The following TLN2 variants were observed in gnomAD, a reference collection of about 807,000 sequenced individuals.
TLN2 encodes talin 2.
In TLN2, 118 loss-of-function variants were observed where a neutral mutation model predicts 294.7. The ratio of observed to expected loss-of-function variants is 0.40; its 90% confidence interval spans 0.34 to 0.47. The LOEUF (loss-of-function observed/expected upper bound fraction) is 0.47. Ranked by LOEUF, TLN2 falls within the 20% of genes least tolerant of loss-of-function variation. The pLI, the probability that TLN2 is intolerant of heterozygous loss-of-function variation, is 0.84. For synonymous variants in TLN2, 1,431 were observed against 1,304.5 expected, an observed-to-expected ratio of 1.10 and a Z score of -2.09; for missense variants, 3,083 against 3,282.2, an observed-to-expected ratio of 0.94 and a Z score of 1.48.
In TLN2 at chr15:62,407,923, AAAATAAAT is replaced by A. The variant is rs10626679; in HGVS notation, c.-238+17266_-238+17273del. On this transcript the variant is annotated intron_variant, in intron 1 of 58. Coordinates refer to ENST00000636159, the MANE Select transcript of TLN2 (RefSeq NM_015059.3). ...GAGTGAGAGAGTGAGACTCTGTCTC[AAAATAAAT>A]AAATAAATAAATAAATAAATAAATA... Among the ~76,000 whole-genome samples, 143 of 148,650 alleles carry A rather than the reference AAAATAAAT, an allele frequency of 9.6e-4. 1 individual carries two copies. The highest frequency in any genetic ancestry group is 3.0e-3 in the African/African-American group (122 of 40,292).
intron 1 of TLN2, among the ~76,000 whole-genome samples, chr15:62,471,176 C>G (rs989551249): frequency 6.6e-6 from 1 of 152,124 alleles, no homozygotes; most frequent in Non-Finnish European, 1.5e-5. Context: ...GAAACTCTGC[C>G]TCTACAAAAA....
chr15:62,698,707 G>T (rs28663432), intron 15 of TLN2, 47 bp from the exon 16 acceptor site: 18 of 1,502,926 alleles, frequency 1.2e-5, no homozygotes, highest in Non-Finnish European at 1.6e-5. Context: ...GGGCCATGTC[G>T]GTCCCAGGCG....
intron 1 of TLN2, among the ~76,000 whole-genome samples, chr15:62,546,470 A>G (rs1202394995): frequency 6.6e-6 from 1 of 152,020 alleles, no homozygotes; most frequent in Non-Finnish European, 1.5e-5. Context: ...TTCTTGCTCC[A>G]TAGTTGTGAA....
At chr15:62,413,487 A>G (rs755473706) in intron 1 of TLN2, among the ~76,000 whole-genome samples, 5 of 152,098 alleles carry the variant, frequency 3.3e-5, no homozygotes, top group African/African-American at 1.2e-4. Flanking sequence ...AAATATCCCT[A>G]TTGTTGGGGA....
chr15:62,411,459 G>GTGTC (rs1399056110), intron 1 of TLN2, among the ~76,000 whole-genome samples: 39 of 151,758 alleles, frequency 2.6e-4, no homozygotes, highest in African/African-American at 9.4e-4. Context: ...GTGTGTGTGT[G>GTGTC]TGTGTGTGTG....
intron 22 of TLN2, among the ~76,000 whole-genome samples, chr15:62,713,283 A>AC (rs200649123): frequency 0.023 from 3,486 of 150,624 alleles, 94 homozygotes; most frequent in East Asian, 0.1. Context: ...AAAAAAAAAA[A>AC]AAAAAACAAA....
chr15:62,396,285 C>T (rs1327584839), intron 1 of TLN2, among the ~76,000 whole-genome samples: 1 of 152,258 alleles, frequency 6.6e-6, no homozygotes, highest in South Asian at 2.1e-4. Context: ...TTGACTTGTT[C>T]AAACACGCAG....
At chr15:62,740,338 C>A in intron 31 of TLN2, 1 of 305,898 alleles carries the variant, frequency 3.3e-6, no homozygotes, top group Non-Finnish European at 6.1e-6. Context: ...ACTCTCCTCC[C>A]ACCCTGCTCC....
chr15:62,432,826 C>T (rs4775501), intron 1 of TLN2, among the ~76,000 whole-genome samples: 16,602 of 152,028 alleles, frequency 0.11, 1,032 homozygotes, highest in Admixed American at 0.15. Context: ...AGAGTTTCTA[C>T]GCCTCTTGTG....
At chr15:62,582,541 T>G (rs1268258490) in intron 1 of TLN2, among the ~76,000 whole-genome samples, 1 of 152,166 alleles carries the variant, frequency 6.6e-6, no homozygotes, top group Non-Finnish European at 1.5e-5. Context: ...CAGGTGGAAC[T>G]TGATGGACAG....
rs533731194 is a variant in TLN2, at chr15:62,460,782, G to A, written c.-238+70097G>A. ...AAATGAACACAAATCATAACTGGAC[G>A]AGTTGATGAATTTTCACAAACTGAA... On this transcript the variant is annotated intron_variant, in intron 1 of 58. Transcript: ENST00000636159. 1.4e-4 allele frequency among the ~76,000 whole-genome samples: 21 copies of A among 152,230 alleles called. 1 individual carries two copies. The South Asian group carries it at 3.7e-3, about 27-fold the overall frequency.
At chr15:62,836,478 G>C (rs559498072) in intron 57 of TLN2, among the ~76,000 whole-genome samples, 16 of 152,348 alleles carry the variant, frequency 1.1e-4, no homozygotes, top group African/African-American at 3.8e-4. Flanking sequence ...AGCAGGTTGT[G>C]AGCCTCTTAG....
chr15:62,424,148 C>T (rs879183752), intron 1 of TLN2, among the ~76,000 whole-genome samples: 2 of 152,122 alleles, frequency 1.3e-5, no homozygotes, highest in Admixed American at 1.3e-4. Context: ...GTAACTACCT[C>T]AGTGGGTTGT....
intron 52 of TLN2, among the ~76,000 whole-genome samples, chr15:62,813,558 G>A (rs1411877177): frequency 2.6e-5 from 4 of 152,140 alleles, no homozygotes; most frequent in East Asian, 1.9e-4. Flanking sequence ...TCAAAAGTTA[G>A]CAACTAAGTA....
rs148542857 is a variant in TLN2 at position 62,730,724 on chromosome 15, C to T, written c.3358+3535C>T. Among the ~76,000 whole-genome samples, 863 of 152,234 alleles carry T rather than the reference C, an allele frequency of 5.7e-3. 3 individuals are homozygous for T. Among genetic ancestry groups the T allele is most frequent in the African/African-American group, 0.01 (429 of 41,564 alleles). The stretch of plus-strand genomic sequence containing the variant: ...CTGTTGTGAAGCTATGAAGGTAATG[C>T]GGTTTTATTTTTCCCCTTTCCTTGC... On this transcript the variant is annotated intron_variant, in intron 28 of 58. Transcript: ENST00000636159.
In TLN2 at chr15:62,839,097, A is replaced by G. The variant is rs570359062; in HGVS notation, c.7500+116A>G. 105 of 1,379,402 alleles carry G rather than the reference A, an allele frequency of 7.6e-5. No homozygotes were observed. The South Asian group carries it at 1.4e-3, about 18-fold the overall frequency. The allele number at this position is 1,379,402 out of a possible 1,614,324, so 85.4% of individuals were successfully genotyped here. A position where few individuals can be genotyped will look rare whatever the true frequency, so the allele number is the denominator to read the frequency against. On this transcript the variant is annotated intron_variant, in intron 58 of 58. Coordinates refer to ENST00000636159, the MANE Select transcript of TLN2 (RefSeq NM_015059.3). ...TTTATTTCTTCCTCGTGTACCAGAGATGGTGTGGTGTTTCCTTCATGTCTG... is the reference window on the plus strand; with the variant it reads ...TTTATTTCTTCCTCGTGTACCAGAGGTGGTGTGGTGTTTCCTTCATGTCTG...
At chr15:62,465,021 T>A (rs1187889336) in intron 1 of TLN2, among the ~76,000 whole-genome samples, 1 of 151,690 alleles carries the variant, frequency 6.6e-6, no homozygotes, top group Non-Finnish European at 1.5e-5. Context: ...TAGTCTTTTT[T>A]CCCCCCTTAA....
intron 1 of TLN2, among the ~76,000 whole-genome samples, chr15:62,589,466 T>C (rs780161102): frequency 7.9e-5 from 12 of 152,214 alleles, no homozygotes; most frequent in Non-Finnish European, 1.5e-4. Flanking sequence ...GTTTTGTCTC[T>C]CTGCCAGCAG....
chr15:62,440,721 A>G (rs2035504542), intron 1 of TLN2, among the ~76,000 whole-genome samples: 1 of 152,042 alleles, frequency 6.6e-6, no homozygotes, highest in African/African-American at 2.4e-5. Flanking sequence ...TAGGATTGAT[A>G]CCTCCCTTCT....
Sources: allele counts gnomAD v4.1 joint callset (sites outside exome capture counted in the v4.1 genomes callset), GRCh38; gene constraint gnomAD v4.1.1; transcripts MANE v1.5; gene names NCBI Gene and HGNC (gene_info 2026-07-23, HGNC 2026-07-21).